Variants in TRHDE observed in about 807,000 individuals in gnomAD.
TRHDE encodes thyrotropin releasing hormone degrading enzyme, also known as thyrotropin-releasing hormone-degrading ectoenzyme.
Under a neutral mutation model 125.7 loss-of-function variants are expected in TRHDE, and 72 were observed. The ratio of observed to expected loss-of-function variants is 0.57; its 90% CI spans 0.47 to 0.70. The LOEUF (loss-of-function observed/expected upper bound fraction) is 0.70. TRHDE is among the 30% of genes least tolerant of loss of function. The probability of loss-of-function intolerance (pLI) is 0.00; values close to 1 mark genes in which losing one functional copy is unlikely to be tolerated. For synonymous variants in TRHDE, 509 were observed against 509.1 expected (o/e 1.00, Z 0.00); for missense variants, 1,110 against 1,327.1 (o/e 0.84, Z 2.54).
At chr12:72,490,266 T>G (rs1452771531) in intron 5 of TRHDE, among the ~76,000 whole-genome samples, 1 of 151,706 alleles carries the variant, frequency 6.6e-6, no homozygotes, top group East Asian at 1.9e-4. Context: ...GAAATGCAAA[T>G]GAAAATCATG....
At chr12:72,295,762 T>C (rs1880274230) in intron 2 of TRHDE, among the ~76,000 whole-genome samples, 1 of 148,906 alleles carries the variant, frequency 6.7e-6, no homozygotes, top group Admixed American at 6.8e-5. Context: ...TAGAGGAGTA[T>C]AGGTTAATGT....
chr12:72,576,888 TAAG>T (rs1456077156), intron 12 of TRHDE, among the ~76,000 whole-genome samples: 1 of 152,116 alleles, frequency 6.6e-6, no homozygotes, highest in Non-Finnish European at 1.5e-5. Context: ...ATTTGTGTAA[TAAG>T]AACTGGGGTT....
At chr12:72,632,168 A>G (rs955319709) in intron 15 of TRHDE, among the ~76,000 whole-genome samples, 2 of 151,954 alleles carry the variant, frequency 1.3e-5, no homozygotes, top group African/African-American at 4.8e-5. Flanking sequence ...TGTATTTGCT[A>G]TGGTAACTAA....
intron 3 of TRHDE, among the ~76,000 whole-genome samples, chr12:72,423,957 A>G (rs1240787311): frequency 1.3e-5 from 2 of 152,182 alleles, no homozygotes; most frequent in African/African-American, 4.8e-5. Flanking sequence ...AAAGAAGACA[A>G]GAAACAGATT....
intron 3 of TRHDE, among the ~76,000 whole-genome samples, chr12:72,417,402 G>A (rs1404462371): frequency 1.3e-5 from 2 of 151,902 alleles, no homozygotes; most frequent in Non-Finnish European, 2.9e-5. Flanking sequence ...CATCTGCTTT[G>A]GCTTATTTGA....
intron 2 of TRHDE, among the ~76,000 whole-genome samples, chr12:72,218,664 G>C (rs1877943214): frequency 6.6e-6 from 1 of 151,958 alleles, no homozygotes; most frequent in African/African-American, 2.4e-5. Flanking sequence ...GGGGGCTTTG[G>C]GCAATCCTTG....
intron 9 of TRHDE, among the ~76,000 whole-genome samples, chr12:72,566,742 C>T (rs1390749913): frequency 6.6e-6 from 1 of 151,862 alleles, no homozygotes; most frequent in Admixed American, 6.6e-5. Context: ...TTAACCAGTA[C>T]TTATTTGGCT....
chr12:72,449,011 C>T (rs1423058362), intron 3 of TRHDE, among the ~76,000 whole-genome samples: 24 of 151,868 alleles, frequency 1.6e-4, no homozygotes, highest in African/African-American at 5.1e-4. Flanking sequence ...TTGTAGCAGT[C>T]GGTACTGTGC....
chr12:72,202,230 T>G (rs991344228), intron 2 of TRHDE, among the ~76,000 whole-genome samples: 3 of 152,170 alleles, frequency 2.0e-5, no homozygotes, highest in Non-Finnish European at 4.4e-5. Context: ...TGAGATCCCT[T>G]GTCCTCTGGT....
Position 72,648,598 on chromosome 12 carries a change from A to G in TRHDE, c.2676-3724A>G, listed in dbSNP as rs141991807. 3.8e-3 allele frequency among the ~76,000 whole-genome samples: 578 copies of G among 152,236 alleles called. 5 individuals are homozygous for G. The highest frequency in any genetic ancestry group is 4.1e-3 in the Non-Finnish European group (279 of 68,006). On this transcript the variant is annotated intron_variant, in intron 15 of 18. Coordinates refer to ENST00000261180, the MANE Select transcript of TRHDE (RefSeq NM_013381.3). ...AAAATCAGTAGTGTTTCTGTACACT[A>G]ACAATAAACTATCTGAAAAGTAACT...
chr12:72,312,060 C>T (rs1379120957), intron 2 of TRHDE, among the ~76,000 whole-genome samples: 1 of 152,160 alleles, frequency 6.6e-6, no homozygotes, highest in Non-Finnish European at 1.5e-5. Flanking sequence ...TAAAATACAT[C>T]TTGCTTAATC....
chr12:72,435,409 T>C (rs983485464), intron 3 of TRHDE, among the ~76,000 whole-genome samples: 1 of 152,128 alleles, frequency 6.6e-6, no homozygotes, highest in African/African-American at 2.4e-5. Flanking sequence ...CTCCCTGTGT[T>C]GGGGAGTTAG....
At chr12:72,127,396 T>C (rs111513878) in intron 2 of TRHDE, among the ~76,000 whole-genome samples, 5,281 of 152,334 alleles carry the variant, frequency 0.035, 166 homozygotes, top group South Asian at 0.11. Flanking sequence ...CATATGTTCA[T>C]TGCAGCACAA....
chr12:72,094,100 C>G (rs947258487), intron 1 of TRHDE, among the ~76,000 whole-genome samples: 2 of 152,204 alleles, frequency 1.3e-5, no homozygotes, highest in Non-Finnish European at 2.9e-5. Context: ...TGGTGAGCCT[C>G]TTATCAGGAC....
intron 12 of TRHDE, among the ~76,000 whole-genome samples, chr12:72,575,877 A>G (rs1870970027): frequency 6.6e-6 from 1 of 152,156 alleles, no homozygotes; most frequent in Non-Finnish European, 1.5e-5. Context: ...ACCTTGAAGC[A>G]TTGGCAATTT....
At position 72,273,586 on chromosome 12, in the gene TRHDE, C is replaced by A; in HGVS notation, c.914+29C>A. 1 of 1,548,348 alleles carries A rather than the reference C, an allele frequency of 6.5e-7. No individual in the cohort carries two copies. Among genetic ancestry groups the A allele is most frequent in the Non-Finnish European group, 8.7e-7 (1 of 1,147,692 alleles). ...TGGAGGGAGGCGGTGCCCCGCGCTGCCCCACCCCGGCGCGCGGCTCGAACC... is the reference window on the plus strand; with the variant it reads ...TGGAGGGAGGCGGTGCCCCGCGCTGACCCACCCCGGCGCGCGGCTCGAACC... On this transcript the variant is annotated intron_variant, in intron 1 of 18. Coordinates refer to ENST00000261180, the MANE Select transcript of TRHDE (RefSeq NM_013381.3). The surrounding 1 kb of genome is among the most constrained non-coding windows in gnomAD (Gnocchi z 5.3).
At chr12:72,275,142 G>A (rs1182604698) in intron 1 of TRHDE, among the ~76,000 whole-genome samples, 2 of 152,226 alleles carry the variant, frequency 1.3e-5, no homozygotes, top group Non-Finnish European at 2.9e-5. Context: ...AGGTGAGCAG[G>A]CTTGTCAGTG....
At chr12:72,154,504 A>T (rs141332674) in intron 2 of TRHDE, among the ~76,000 whole-genome samples, 2,700 of 152,244 alleles carry the variant, frequency 0.018, 72 homozygotes, top group South Asian at 0.11. Flanking sequence ...GGTCTTTACA[A>T]TTTGGCATGT....
At chr12:72,358,781 A>G (rs1247493638) in intron 2 of TRHDE, among the ~76,000 whole-genome samples, 1 of 151,708 alleles carries the variant, frequency 6.6e-6, no homozygotes, top group Non-Finnish European at 1.5e-5. Flanking sequence ...GAGAAAAGGT[A>G]CAAATATTAT....
Sources: gnomAD v4.1 joint callset for allele counts (sites outside exome capture counted in the v4.1 genomes callset) on GRCh38, gnomAD v4.1.1 for gene constraint, Gnocchi (gnomAD v3.1) non-coding constraint, MANE v1.5 for transcripts, NCBI Gene and HGNC (gene_info 2026-07-23, HGNC 2026-07-21) for gene names.